The following CLASP2 variants were observed in gnomAD, a reference collection of about 807,000 sequenced individuals.
CLASP2 encodes cytoplasmic linker associated protein 2.
In CLASP2, 47 loss-of-function variants were observed where a neutral mutation model predicts 194.4. That is an observed-to-expected ratio of 0.24 (90% CI 0.19 to 0.31). CLASP2 has a LOEUF of 0.31. Ranked by LOEUF, CLASP2 falls within the 10% of genes least tolerant of loss-of-function variation. The probability of loss-of-function intolerance (pLI) is 1.00; values close to 1 mark genes in which losing one functional copy is unlikely to be tolerated. For synonymous variants in CLASP2, 619 were observed against 633.5 expected, an observed-to-expected ratio of 0.98 and a Z score of 0.34; for missense variants, 1,445 against 1,823.6, an observed-to-expected ratio of 0.79 and a Z score of 3.78.
chr3:33,521,988 C>A (rs540831683), intron 34 of CLASP2, among the ~76,000 whole-genome samples: 3 of 152,064 alleles, frequency 2.0e-5, no homozygotes, highest in South Asian at 2.1e-4. Flanking sequence ...CCTTATCCTG[C>A]GGATACTGAG....
At position 33,718,180 on chromosome 3, in the gene CLASP2, C is replaced by T; in HGVS notation, c.-178G>A. On this transcript the variant is annotated 5_prime_UTR_variant, in exon 1 of 39. Coordinates refer to ENST00000682230, the MANE Select transcript of CLASP2 (RefSeq NM_001365631.1). ...CGCCAAGCGCCCAGCCGCCCCCAAA[C>T]TAGTCAAACTCGGCGCCCCCCGATC... is the stretch of plus-strand genomic sequence containing the variant. The T allele has an allele frequency of 2.1e-6, 1 of 467,992 alleles. No individual in the cohort carries two copies. The highest frequency in any genetic ancestry group is 3.8e-5 in the East Asian group (1 of 26,194). The allele number at this position is 467,992 out of a possible 1,614,324, so 29.0% of individuals were successfully genotyped here.
intron 1 of CLASP2, among the ~76,000 whole-genome samples, chr3:33,708,216 T>C (rs2092786980): frequency 6.6e-6 from 1 of 151,988 alleles, no homozygotes. Context: ...ACCTCCCCTT[T>C]TCCCACATCC....
intron 29 of CLASP2, among the ~76,000 whole-genome samples, chr3:33,551,665 T>C (rs552970777): frequency 6.6e-6 from 1 of 152,314 alleles, no homozygotes; most frequent in Non-Finnish European, 1.5e-5. Context: ...TACAAGTATA[T>C]GACAGTGTTG....
At position 33,619,752 on chromosome 3, in the gene CLASP2, C is replaced by A. The variant is rs1249618238; in HGVS notation, c.1182-14G>T. ...GTTGAAAGGTGGCTACAAAGGAAGA[C>A]AAAAAGTATTTTTTAATAGTTTAAC... is the stretch of plus-strand genomic sequence containing the variant. On this transcript the variant is annotated splice_polypyrimidine_tract_variant and intron_variant, in intron 11 of 38. Coordinates refer to ENST00000682230, the MANE Select transcript of CLASP2 (RefSeq NM_001365631.1). 3 of 1,557,700 alleles carry A rather than the reference C, an allele frequency of 1.9e-6. No individual in the cohort carries two copies. Among genetic ancestry groups the A allele is most frequent in the African/African-American group, 1.4e-5 (1 of 72,352 alleles).
intron 33 of CLASP2, among the ~76,000 whole-genome samples, chr3:33,537,920 T>C (rs1195833798): frequency 2.0e-5 from 3 of 152,088 alleles, no homozygotes; most frequent in Non-Finnish European, 4.4e-5. Context: ...GGTGGGCAGA[T>C]CACAAGGTCA....
chr3:33,550,260 G>A (rs2059790155), intron 30 of CLASP2, among the ~76,000 whole-genome samples: 1 of 151,740 alleles, frequency 6.6e-6, no homozygotes, highest in Admixed American at 6.6e-5. Context: ...GCTGGGTGTG[G>A]TGGTGGGTGC....
rs568547974 is a variant in CLASP2, at chr3:33,700,380, T to C, written c.196-3447A>G. The stretch of plus-strand genomic sequence containing the variant: ...AGGCAGAGGTTGCAGTGAGCTGAGA[T>C]TGTGTCACTGCACTCCAGCTGGCAA... On this transcript the variant is annotated intron_variant, in intron 1 of 38. Coordinates refer to ENST00000682230, the MANE Select transcript of CLASP2 (RefSeq NM_001365631.1). Among the ~76,000 whole-genome samples the C allele has an allele frequency of 5.3e-5, 8 of 152,048 alleles. No homozygotes were observed. The South Asian group carries it at 1.5e-3, about 28-fold the overall frequency.
At chr3:33,662,241 G>T (rs948317470) in intron 7 of CLASP2, among the ~76,000 whole-genome samples, 1 of 152,150 alleles carries the variant, frequency 6.6e-6, no homozygotes. Context: ...GAATACCTTA[G>T]ATTTTATAGG....
chr3:33,715,029 A>T (rs2093225196), intron 1 of CLASP2, among the ~76,000 whole-genome samples: 1 of 152,146 alleles, frequency 6.6e-6, no homozygotes, highest in African/African-American at 2.4e-5. Flanking sequence ...GTCTTTCTTA[A>T]CACCTCACTC....
intron 7 of CLASP2, among the ~76,000 whole-genome samples, chr3:33,663,159 C>T (rs1251921554): frequency 3.5e-5 from 5 of 144,498 alleles, no homozygotes; most frequent in Non-Finnish European, 7.5e-5. Flanking sequence ...GGTCATCATA[C>T]CTCAACCCAG....
rs574414250 is a variant in CLASP2, at chr3:33,565,203, G to A, written c.2766+1529C>T. On this transcript the variant is annotated intron_variant, in intron 27 of 38. Transcript: ENST00000682230. ...TAACATTTTATTTTCTTTCTGAGAC[G>A]GAGTCTCACCTATCACCCAGGGTGG... 6.6e-5 allele frequency among the ~76,000 whole-genome samples: 10 copies of A among 151,926 alleles called. No homozygotes were observed. The East Asian group carries it at 1.4e-3, about 21-fold the overall frequency.
At chr3:33,687,429 C>T (rs1255684007) in intron 4 of CLASP2, among the ~76,000 whole-genome samples, 1 of 152,150 alleles carries the variant, frequency 6.6e-6, no homozygotes, top group Non-Finnish European at 1.5e-5. Context: ...AACCTAGCAA[C>T]CTATGAATAA....
intron 8 of CLASP2, among the ~76,000 whole-genome samples, chr3:33,642,165 C>T (rs1433530195): frequency 6.6e-6 from 1 of 151,832 alleles, no homozygotes; most frequent in African/African-American, 2.4e-5. Flanking sequence ...TGAAAGAACA[C>T]TAAAAATCCC....
In CLASP2 at chr3:33,581,947, A is replaced by G; in HGVS notation, c.2240-19T>C. 1.3e-6 allele frequency: 2 copies of G among 1,524,338 alleles called. No homozygotes were observed. Among genetic ancestry groups the G allele is most frequent in the Non-Finnish European group, 1.8e-6 (2 of 1,099,038 alleles). The allele number at this position is 1,524,338 out of a possible 1,614,324, so 94.4% of individuals were successfully genotyped here. A position where few individuals can be genotyped will look rare whatever the true frequency, so the allele number is the denominator to read the frequency against. ...CTTCGGGCTGGTGTGAAGCAACAGC[A>G]GCACACACAGTAAGGGAGAAAACAG... is the stretch of plus-strand genomic sequence containing the variant. On this transcript the variant is annotated intron_variant, in intron 22 of 38. Transcript: ENST00000682230.
At chr3:33,517,215 G>A in intron 34 of CLASP2, 41 bp from the exon 35 acceptor site, 1 of 1,489,524 alleles carries the variant, frequency 6.7e-7, no homozygotes, top group African/African-American at 1.4e-5. Flanking sequence ...ACTTTATAGG[G>A]TGACTCTCAC....
At position 33,717,979 on chromosome 3, in the gene CLASP2, G is replaced by A; in HGVS notation, c.24C>T (p.Tyr8=). 1.3e-6 allele frequency: 2 copies of A among 1,536,084 alleles called. No homozygotes were observed. The highest frequency in any genetic ancestry group is 1.7e-6 in the Non-Finnish European group (2 of 1,144,054). The part of the protein sequence containing the change: MEPRSME[Y]FCAQVQQKDV... ...CCTTCTGCTGCACCTGGGCGCAGAAGTACTCCATGCTGCGGGGCTCCATGG... is the reference window on the plus strand; with the variant it reads ...CCTTCTGCTGCACCTGGGCGCAGAAATACTCCATGCTGCGGGGCTCCATGG... The change falls in exon 1 of 39, where the codon TAC becomes TAT. Residue 8 remains tyrosine (Y), a synonymous_variant. Coordinates refer to ENST00000682230, the MANE Select transcript of CLASP2 (RefSeq NM_001365631.1).
intron 29 of CLASP2, among the ~76,000 whole-genome samples, chr3:33,555,540 AAAT>A (rs1451387737): frequency 1.3e-4 from 20 of 152,138 alleles, no homozygotes; most frequent in African/African-American, 4.8e-4. Flanking sequence ...TAATTAAAAA[AAAT>A]TTTTTGTAGA....
intron 11 of CLASP2, among the ~76,000 whole-genome samples, 170 bp from the exon 12 acceptor site, chr3:33,619,908 C>T (rs2076840733): frequency 6.6e-6 from 1 of 152,152 alleles, no homozygotes; most frequent in Non-Finnish European, 1.5e-5. Flanking sequence ...CTACATATTT[C>T]CTTCTTTTCC....
chr3:33,523,657 A>G (rs2053744642), intron 34 of CLASP2, among the ~76,000 whole-genome samples: 1 of 152,232 alleles, frequency 6.6e-6, no homozygotes, highest in Non-Finnish European at 1.5e-5. Context: ...AAACGTAAAT[A>G]TATACATTGG....
Sources: gnomAD v4.1 joint callset for allele counts (sites outside exome capture counted in the v4.1 genomes callset) on GRCh38, gnomAD v4.1.1 for gene constraint, MANE v1.5 for transcripts, NCBI Gene and HGNC (gene_info 2026-07-23, HGNC 2026-07-21) for gene names.